Variants in SLC25A24 observed in about 807,000 individuals in gnomAD.
The protein encoded by SLC25A24 is mitochondrial adenyl nucleotide antiporter SLC25A24.
In SLC25A24, 49 loss-of-function variants were observed where a neutral mutation model predicts 60.7. The ratio of observed to expected loss-of-function variants is 0.81; its 90% CI spans 0.64 to 1.02. The LOEUF (loss-of-function observed/expected upper bound fraction) is 1.02. SLC25A24 is among the 50% of genes least tolerant of loss of function. SLC25A24 has a pLI of 0.00. For synonymous variants in SLC25A24, 202 were observed against 200.6 expected (o/e 1.01, Z -0.06); for missense variants, 564 against 586.3 (o/e 0.96, Z 0.39).
intron 1 of SLC25A24, among the ~76,000 whole-genome samples, chr1:108,194,656 AT>A (rs1346190571): frequency 3.3e-5 from 5 of 152,098 alleles, no homozygotes; most frequent in African/African-American, 1.2e-4. Flanking sequence ...ATTATTTTTT[AT>A]TCCCCATGCA....
intron 1 of SLC25A24, among the ~76,000 whole-genome samples, chr1:108,194,495 C>T (rs1648434397): frequency 1.5e-5 from 2 of 136,484 alleles, no homozygotes; most frequent in Non-Finnish European, 1.6e-5. Context: ...AAGTCGTGGC[C>T]AGGGTGATAA....
At position 108,136,204 on chromosome 1, in the gene SLC25A24, T is replaced by C. The variant is rs1039550964; in HGVS notation, c.*449A>G. Reference sequence around the variant, plus strand: ...AGGTATATTTTAAATGTAATGATTTTCTATTAATGGTTCTATAAGGAAATT... The same window carrying C: ...AGGTATATTTTAAATGTAATGATTTCCTATTAATGGTTCTATAAGGAAATT... On this transcript the variant is annotated 3_prime_UTR_variant, in exon 10 of 10. Transcript: ENST00000565488. 6.5e-6 allele frequency: 1 copy of C among 152,818 alleles called. No individual in the cohort carries two copies. Among genetic ancestry groups the C allele is most frequent in the Non-Finnish European group, 1.5e-5 (1 of 68,518 alleles). 9.5% of individuals were successfully genotyped at this position (152,818 alleles called of 1,614,324 possible). A position where few individuals can be genotyped will look rare whatever the true frequency, so the allele number is the denominator to read the frequency against.
chr1:108,158,484 T>C (rs535083882), intron 4 of SLC25A24, among the ~76,000 whole-genome samples: 1 of 152,264 alleles, frequency 6.6e-6, no homozygotes, highest in Admixed American at 6.5e-5. Context: ...GTAAGAATTA[T>C]GTAAATAAAA....
At chr1:108,180,621 TC>T (rs1647887861) in intron 3 of SLC25A24, among the ~76,000 whole-genome samples, 1 of 4,852 alleles carries the variant, frequency 2.1e-4, no homozygotes, top group Non-Finnish European at 8.1e-4. Flanking sequence ...GAAAGATCTC[TC>T]TCTCTCTCTC....
chr1:108,160,602 T>C (rs1020489825), intron 4 of SLC25A24, among the ~76,000 whole-genome samples: 1 of 152,112 alleles, frequency 6.6e-6, no homozygotes, highest in Non-Finnish European at 1.5e-5. Context: ...GGCAGGCGGC[T>C]GGGAGGTGGA....
At chr1:108,154,807 G>C (rs752484798) in intron 6 of SLC25A24, among the ~76,000 whole-genome samples, 176 bp downstream of exon 6, 2 of 151,960 alleles carry the variant, frequency 1.3e-5, no homozygotes, top group African/African-American at 2.4e-5. Flanking sequence ...ACTTGGTCAT[G>C]AGAAATCTCT....
chr1:108,197,798 GT>G (rs1648538551), intron 1 of SLC25A24, among the ~76,000 whole-genome samples: 1 of 152,206 alleles, frequency 6.6e-6, no homozygotes, highest in African/African-American at 2.4e-5. Context: ...CAAGTGCTAC[GT>G]TTTGTTTGTC....
intron 8 of SLC25A24, among the ~76,000 whole-genome samples, chr1:108,139,887 T>C (rs1390288382): frequency 3.3e-5 from 5 of 152,000 alleles, no homozygotes; most frequent in Non-Finnish European, 2.9e-5. Context: ...GCTGAGATTA[T>C]AGGCATGAGC....
chr1:108,170,936 C>T (rs1160218763), intron 3 of SLC25A24, among the ~76,000 whole-genome samples: 1 of 152,088 alleles, frequency 6.6e-6, no homozygotes, highest in Non-Finnish European at 1.5e-5. Context: ...GATAAGAACT[C>T]TATTTAGGCT....
At position 108,161,252 on chromosome 1, in the gene SLC25A24, C is replaced by CAG. The variant is rs1429925152; in HGVS notation, c.439_440insCT (p.Trp147SerfsTer29). 1.2e-6 allele frequency: 2 copies of CAG among 1,605,092 alleles called. No individual in the cohort carries two copies. The highest frequency in any genetic ancestry group is 2.2e-5 in the South Asian group (2 of 90,398). On this transcript the variant is annotated frameshift_variant, in exon 4 of 10. Coordinates refer to ENST00000565488, the MANE Select transcript of SLC25A24 (RefSeq NM_013386.5). LOFTEE classifies it high-confidence loss of function. The stretch of plus-strand genomic sequence containing the variant: ...AGGATTAAATAAGAAGTAGTCTCTC[C>CAG]ATTCATTCCAGTCCACTGTCATTGT...
chr1:108,159,965 T>G (rs1380383321), intron 4 of SLC25A24, among the ~76,000 whole-genome samples: 2 of 152,086 alleles, frequency 1.3e-5, no homozygotes, highest in Non-Finnish European at 2.9e-5. Flanking sequence ...TGGCCCGTTC[T>G]CAATGAGCTG....
rs1026780755 is a variant in SLC25A24, at chr1:108,143,601, T to C, written c.1040A>G (p.Tyr347Cys). 3.1e-6 allele frequency: 5 copies of C among 1,613,718 alleles called. No individual in the cohort carries two copies. Among genetic ancestry groups the C allele is most frequent in the South Asian group, 1.1e-5 (1 of 91,080 alleles). ...HEGLGAFYKGYVPNLLGIIPY... is the reference protein window; with the variant it reads ...HEGLGAFYKGCVPNLLGIIPY... Reference sequence around the variant, plus strand: ...TATGATACCTAATAAATTGGGAACATAGCCTTTGTAAAAAGCTCCCAAGCC... The same window carrying C: ...TATGATACCTAATAAATTGGGAACACAGCCTTTGTAAAAAGCTCCCAAGCC... The change falls in exon 8 of 10, where the codon TAT (tyrosine) becomes TGT (cysteine). Residue 347 changes from tyrosine (Y) to cysteine (C), a missense_variant. Physicochemically the swap from Tyr to Cys is radical, Grantham distance 194. Coordinates refer to ENST00000565488, the MANE Select transcript of SLC25A24 (RefSeq NM_013386.5).
chr1:108,152,513 C>G (rs568954148), intron 6 of SLC25A24, among the ~76,000 whole-genome samples: 1 of 152,238 alleles, frequency 6.6e-6, no homozygotes, highest in South Asian at 2.1e-4. Flanking sequence ...CACACCCCCA[C>G]GCCCAACTAA....
At chr1:108,189,610 T>C (rs898944583) in intron 1 of SLC25A24, among the ~76,000 whole-genome samples, 1 of 152,058 alleles carries the variant, frequency 6.6e-6, no homozygotes, top group African/African-American at 2.4e-5. Context: ...AGGTCAGAAG[T>C]ACAAGACCAG....
At chr1:108,160,274 C>T (rs535370953) in intron 4 of SLC25A24, among the ~76,000 whole-genome samples, 4,695 of 144,166 alleles carry the variant, frequency 0.033, 225 homozygotes, top group African/African-American at 0.12. Flanking sequence ...ACATCTCAGA[C>T]GATGGGCGGC....
intron 1 of SLC25A24, 35 bp downstream of exon 1, chr1:108,199,921 C>G: frequency 6.4e-7 from 1 of 1,551,430 alleles, no homozygotes; most frequent in Non-Finnish European, 8.8e-7. Context: ...CCGCAGCCCT[C>G]CCTACGCTCA....
In SLC25A24 at chr1:108,165,298, G is replaced by T. The variant is rs191794247; in HGVS notation, c.399-4005C>A. The stretch of plus-strand genomic sequence containing the variant: ...ATTTGGGGTGCAGAGTTCTGTAGAT[G>T]TGTATTAGGTCTGCTTGGTGCAGAG... On this transcript the variant is annotated intron_variant, in intron 3 of 9. Transcript: ENST00000565488. Among the ~76,000 whole-genome samples, 285 of 152,324 alleles carry T rather than the reference G, an allele frequency of 1.9e-3. 1 individual carries two copies. The highest frequency in any genetic ancestry group is 0.01 in the Middle Eastern group (3 of 294).
chr1:108,166,993 T>C (rs1246822055), intron 3 of SLC25A24, among the ~76,000 whole-genome samples: 1 of 151,640 alleles, frequency 6.6e-6, no homozygotes, highest in African/African-American at 2.4e-5. Context: ...TTCTGTTTGT[T>C]AGTTTTCCTT....
intron 4 of SLC25A24, among the ~76,000 whole-genome samples, chr1:108,160,609 T>G (rs1571290604): frequency 1.3e-5 from 2 of 150,370 alleles, no homozygotes; most frequent in Non-Finnish European, 3.0e-5. Context: ...GGCTGGGAGG[T>G]GGAGGTTGTA....
Sources: gnomAD v4.1 joint callset for allele counts (sites outside exome capture counted in the v4.1 genomes callset) on GRCh38, gnomAD v4.1.1 for gene constraint, MANE v1.5 for transcripts, NCBI Gene and HGNC (gene_info 2026-07-23, HGNC 2026-07-21) for gene names.